GRIN3A: variants seen among roughly 807,000 people sequenced by gnomAD.
GRIN3A encodes glutamate ionotropic receptor NMDA type subunit 3A.
In GRIN3A, 47 loss-of-function variants were observed where a neutral mutation model predicts 92.4. That is an observed-to-expected ratio of 0.51 (90% CI 0.40 to 0.65). The LOEUF is 0.65. Among genes scored for constraint, GRIN3A ranks in the 30% least tolerant of loss-of-function variants. The pLI, the probability that GRIN3A is intolerant of heterozygous loss-of-function variation, is 0.00. For synonymous variants in GRIN3A, 527 were observed against 540.6 expected (o/e 0.97, Z 0.35); for missense variants, 1,324 against 1,393.1 (o/e 0.95, Z 0.79).
chr9:101,685,192 T>C (rs1316820874), intron 2 of GRIN3A, among the ~76,000 whole-genome samples: 2 of 152,154 alleles, frequency 1.3e-5, no homozygotes, highest in African/African-American at 4.8e-5. Flanking sequence ...CACTTTTCCC[T>C]TACATATGGC....
intron 6 of GRIN3A, chr9:101,594,287 A>G: frequency 7.8e-7 from 1 of 1,279,564 alleles, no homozygotes; most frequent in Non-Finnish European, 1.1e-6. Flanking sequence ...GTTAGGACAT[A>G]TGGCTTCACA....
chr9:101,680,789 C>T (rs1408529658), intron 2 of GRIN3A, among the ~76,000 whole-genome samples: 1 of 152,166 alleles, frequency 6.6e-6, no homozygotes, highest in African/African-American at 2.4e-5. Flanking sequence ...TAGTTAATTT[C>T]AGCAAATACA....
chr9:101,663,393 A>T (rs1021390996), intron 3 of GRIN3A, among the ~76,000 whole-genome samples: 2 of 151,856 alleles, frequency 1.3e-5, no homozygotes, highest in African/African-American at 4.8e-5. Flanking sequence ...TTACTCTTAA[A>T]TTCCCAGGCA....
At chr9:101,692,311 A>G (rs1829630256) in intron 1 of GRIN3A, among the ~76,000 whole-genome samples, 1 of 152,172 alleles carries the variant, frequency 6.6e-6, no homozygotes, top group South Asian at 2.1e-4. Flanking sequence ...AACAAGCTCC[A>G]GTACCAGTCA....
intron 1 of GRIN3A, among the ~76,000 whole-genome samples, chr9:101,710,148 G>A (rs1404517389): frequency 1.3e-5 from 2 of 152,152 alleles, no homozygotes; most frequent in East Asian, 3.9e-4. Context: ...TTAAGAACAG[G>A]AGAGGTAATT....
At chr9:101,636,045 T>C (rs770567292) in intron 3 of GRIN3A, among the ~76,000 whole-genome samples, 1 of 152,072 alleles carries the variant, frequency 6.6e-6, no homozygotes. Flanking sequence ...CCAGCTATTT[T>C]TGTGTGTGTG....
rs558734093 is a variant in GRIN3A, at chr9:101,737,765, C to A, written c.215G>T (p.Ser72Ile). 1.6e-4 allele frequency: 243 copies of A among 1,529,008 alleles called. 1 individual carries two copies. The South Asian group carries it at 2.1e-3, about 13-fold the overall frequency. The allele number at this position is 1,529,008 out of a possible 1,614,324, so 94.7% of individuals were successfully genotyped here. ...PRAASRAPDDSRAGAQRDEPE... is the reference protein window; with the variant it reads ...PRAASRAPDDIRAGAQRDEPE... The stretch of plus-strand genomic sequence containing the variant: ...CTCATCCCTCTGGGCTCCTGCTCGG[C>A]TGTCGTCCGGAGCGCGGCTGGCCGC... Residue 72 changes from serine (S) to isoleucine (I), a missense_variant, in exon 1 of 9, where the codon AGC (serine) becomes ATC (isoleucine). Ser to Ile is a moderately radical substitution (Grantham distance 142, BLOSUM62 -2). Transcript: ENST00000361820.
At chr9:101,702,354 C>T (rs768068615) in intron 1 of GRIN3A, among the ~76,000 whole-genome samples, 6 of 152,100 alleles carry the variant, frequency 3.9e-5, no homozygotes, top group Non-Finnish European at 7.4e-5. Flanking sequence ...TCCAATCAGG[C>T]CTTGAAACTC....
intron 6 of GRIN3A, among the ~76,000 whole-genome samples, chr9:101,612,470 G>A (rs1027976205): frequency 2.6e-5 from 4 of 152,226 alleles, no homozygotes; most frequent in African/African-American, 9.6e-5. Flanking sequence ...TTCAAGTGGA[G>A]ATGTCAAATA....
At chr9:101,732,877 C>T (rs1830157045) in intron 1 of GRIN3A, among the ~76,000 whole-genome samples, 1 of 151,734 alleles carries the variant, frequency 6.6e-6, no homozygotes, top group South Asian at 2.1e-4. Flanking sequence ...TGTAGATGCT[C>T]AGAGATAGTC....
Position 101,665,220 on chromosome 9 carries a change from G to A in GRIN3A, c.2352+4840C>T, listed in dbSNP as rs1480768052. Reference sequence around the variant, plus strand: ...TTTTTAGATTTGGGGTGTCTGGATCGCCTCTAAGAGGTAAAAACATCAATT... The same window carrying A: ...TTTTTAGATTTGGGGTGTCTGGATCACCTCTAAGAGGTAAAAACATCAATT... On this transcript the variant is annotated intron_variant, in intron 3 of 8. Coordinates refer to ENST00000361820, the MANE Select transcript of GRIN3A (RefSeq NM_133445.3). Among the ~76,000 whole-genome samples the A allele has an allele frequency of 4.6e-5, 7 of 151,996 alleles. No homozygotes were observed. The South Asian group carries it at 6.2e-4, about 14-fold the overall frequency.
At chr9:101,586,141 G>T (rs1827947858) in intron 6 of GRIN3A, among the ~76,000 whole-genome samples, 1 of 152,084 alleles carries the variant, frequency 6.6e-6, no homozygotes, top group African/African-American at 2.4e-5. Flanking sequence ...TAATCACTGT[G>T]CTTAAAAAGG....
In GRIN3A at chr9:101,628,418, G is replaced by T. The variant is rs199869575; in HGVS notation, c.2353-17C>A. The T allele has an allele frequency of 1.1e-5, 17 of 1,610,386 alleles. No individual in the cohort carries two copies. The Admixed American group carries it at 2.5e-4, about 24-fold the overall frequency. ...ATGATGTAACTATGAGGGAGAAAAA[G>T]AAATGGCTTAAATAAAAATTATTCT... On this transcript the variant is annotated splice_polypyrimidine_tract_variant and intron_variant, in intron 3 of 8. Coordinates refer to ENST00000361820, the MANE Select transcript of GRIN3A (RefSeq NM_133445.3).
intron 4 of GRIN3A, 135 bp downstream of exon 4, chr9:101,628,121 C>G: frequency 1.3e-6 from 1 of 762,072 alleles, no homozygotes; most frequent in South Asian, 1.7e-5. Flanking sequence ...GGATCTCACA[C>G]AGTGTAAAGT....
chr9:101,577,370 TTTCA>T (rs1411945197), intron 8 of GRIN3A, among the ~76,000 whole-genome samples: 5 of 152,260 alleles, frequency 3.3e-5, no homozygotes, highest in Non-Finnish European at 7.3e-5. Flanking sequence ...AGGCATTTCC[TTTCA>T]TTCAGAGATG....
intron 2 of GRIN3A, among the ~76,000 whole-genome samples, chr9:101,682,874 C>T (rs1425524996): frequency 4.6e-5 from 7 of 152,016 alleles, no homozygotes; most frequent in Admixed American, 2.0e-4. Context: ...CCCAGCTACT[C>T]GGGAGGCTGA....
chr9:101,574,206 C>T (rs559865026), intron 8 of GRIN3A, among the ~76,000 whole-genome samples: 2 of 152,284 alleles, frequency 1.3e-5, no homozygotes, highest in African/African-American at 4.8e-5. Context: ...AGGCTTGCAT[C>T]GTATCACCTA....
intron 1 of GRIN3A, among the ~76,000 whole-genome samples, chr9:101,703,338 G>A (rs2119003342): frequency 6.6e-6 from 1 of 152,198 alleles, no homozygotes; most frequent in East Asian, 1.9e-4. Context: ...CATCTGAGTG[G>A]AACCTTCTTC....
chr9:101,666,869 A>G (rs1444407287), intron 3 of GRIN3A, among the ~76,000 whole-genome samples: 1 of 152,040 alleles, frequency 6.6e-6, no homozygotes, highest in Non-Finnish European at 1.5e-5. Flanking sequence ...CCAAATCTAT[A>G]TCAGTGACCA....
Sources: allele counts gnomAD v4.1 joint callset (sites outside exome capture counted in the v4.1 genomes callset), GRCh38; gene constraint gnomAD v4.1.1; transcripts MANE v1.5; gene names NCBI Gene and HGNC (gene_info 2026-07-23, HGNC 2026-07-21).